PSD2: variants seen among roughly 807,000 people sequenced by gnomAD.
PSD2 encodes the protein PH and SEC7 domain-containing protein 2.
Under a neutral mutation model 69.8 loss-of-function variants are expected in PSD2, and 38 were observed. That is an observed-to-expected ratio of 0.54 (90% CI 0.42 to 0.71). The LOEUF (loss-of-function observed/expected upper bound fraction) is 0.71. Among genes scored for constraint, PSD2 ranks in the 30% least tolerant of loss-of-function variants. The probability of loss-of-function intolerance (pLI) is 0.00; values close to 1 mark genes in which losing one functional copy is unlikely to be tolerated. For synonymous variants in PSD2, 412 were observed against 423.0 expected, an observed-to-expected ratio of 0.97 and a Z score of 0.32; for missense variants, 943 against 1,014.5, an observed-to-expected ratio of 0.93 and a Z score of 0.96.
In PSD2 at chr5:139,842,591, G is replaced by C; in HGVS notation, c.*117G>C. On this transcript the variant is annotated 3_prime_UTR_variant, in exon 15 of 15. Transcript: ENST00000274710. ...CAGTCAGTTGATGGGCAGCTAGAGG[G>C]GTGCAGAAAGCCTGTGGGCCCAGGA... 1 of 887,916 alleles carries C rather than the reference G, an allele frequency of 1.1e-6. No homozygotes were observed. Among genetic ancestry groups the C allele is most frequent in the South Asian group, 1.6e-5 (1 of 63,090 alleles). 55.0% of individuals were successfully genotyped at this position (887,916 alleles called of 1,614,324 possible).
In PSD2 at chr5:139,837,861, C is replaced by T. The variant is rs1006230708; in HGVS notation, c.1823+79C>T. The T allele has an allele frequency of 1.3e-5, 18 of 1,391,556 alleles. No individual in the cohort carries two copies. The highest frequency in any genetic ancestry group is 5.7e-5 in the African/African-American group (4 of 69,682). 86.2% of individuals were successfully genotyped at this position (1,391,556 alleles called of 1,614,324 possible). A position where few individuals can be genotyped will look rare whatever the true frequency, so the allele number is the denominator to read the frequency against. On this transcript the variant is annotated intron_variant, in intron 12 of 14. Coordinates refer to ENST00000274710, the MANE Select transcript of PSD2 (RefSeq NM_032289.4). This position sits in a 1 kb window ranked among gnomAD's most constrained non-coding sequence, Gnocchi z 5.0. ...CCCGGCACACAACCCCTCTCCTTCCCGTGAGTCAGCAACAGAGCATGTGTA... is the reference window on the plus strand; with the variant it reads ...CCCGGCACACAACCCCTCTCCTTCCTGTGAGTCAGCAACAGAGCATGTGTA...
At chr5:139,836,445 G>A (rs1055765711) in intron 9 of PSD2, among the ~76,000 whole-genome samples, 5 of 152,222 alleles carry the variant, frequency 3.3e-5, no homozygotes, top group Admixed American at 1.3e-4. Context: ...TGTCGGTGGG[G>A]TTTGTGCAGC....
At chr5:139,752,625 C>G in the PSD2 span, among the ~76,000 whole-genome samples, 3 of 152,174 alleles carry the variant, frequency 2.0e-5, no homozygotes, top group Non-Finnish European at 2.9e-5. Context: ...ATACTCTCCC[C>G]CCACCACAGG....
intron 7 of PSD2, among the ~76,000 whole-genome samples, chr5:139,833,332 G>C (rs551803118): frequency 4.5e-4 from 69 of 152,042 alleles, no homozygotes; most frequent in African/African-American, 1.6e-3. Flanking sequence ...TGTCAAATGG[G>C]GATAATAAAA....
intron 1 of PSD2, among the ~76,000 whole-genome samples, chr5:139,798,180 T>G (rs1227806660): frequency 6.6e-6 from 1 of 152,158 alleles, no homozygotes; most frequent in African/African-American, 2.4e-5. Flanking sequence ...GAGGGGTGTT[T>G]GGGGGAGTTG....
chr5:139,767,998 G>T, the PSD2 span, among the ~76,000 whole-genome samples: 1 of 152,256 alleles, frequency 6.6e-6, no homozygotes, highest in Non-Finnish European at 1.5e-5. Context: ...GGGACAAGAA[G>T]ACCTTGAGCT....
In PSD2 at chr5:139,813,437, C is replaced by T. The variant is rs373281010; in HGVS notation, c.500C>T (p.Thr167Met). The change falls in exon 3 of 15, where the codon ACG becomes ATG. Residue 167 changes from threonine to methionine, a missense_variant. Coordinates refer to ENST00000274710, the MANE Select transcript of PSD2 (RefSeq NM_032289.4). Reference sequence around the variant, plus strand: ...GACTCCCTAGACGGGCTGAGCCTCACGGATGAGAGCGACAGCTGCGTCAGC... The same window carrying T: ...GACTCCCTAGACGGGCTGAGCCTCATGGATGAGAGCGACAGCTGCGTCAGC... ...SLDSLDGLSL[T>M]DESDSCVSFE... 2.3e-4 allele frequency: 374 copies of T among 1,613,908 alleles called. No individual in the cohort carries two copies. Among genetic ancestry groups the T allele is most frequent in the Non-Finnish European group, 3.0e-4 (356 of 1,179,894 alleles).
chr5:139,757,752 C>G, the PSD2 span, among the ~76,000 whole-genome samples: 1 of 152,186 alleles, frequency 6.6e-6, no homozygotes, highest in Admixed American at 6.5e-5. Context: ...CTTGAGGACA[C>G]CAGCCGGCAA....
At chr5:139,824,918 CA>C (rs569952515) in intron 7 of PSD2, among the ~76,000 whole-genome samples, 94 of 152,058 alleles carry the variant, frequency 6.2e-4, no homozygotes, top group African/African-American at 2.2e-3. Flanking sequence ...CGAGTCCCCA[CA>C]AAAAGAGCTC....
the PSD2 span, among the ~76,000 whole-genome samples, chr5:139,764,240 C>A: frequency 6.6e-6 from 1 of 152,182 alleles, no homozygotes. Flanking sequence ...GCAGCGTCCC[C>A]GTGTGACTTG....
upstream of PSD2, among the ~76,000 whole-genome samples, chr5:139,795,151 C>T (rs1759485914): frequency 6.6e-6 from 1 of 152,126 alleles, no homozygotes; most frequent in Admixed American, 6.5e-5. This position sits in a 1 kb window ranked among gnomAD's most constrained non-coding sequence, Gnocchi z 4.5. Context: ...TCTCCTTTGT[C>T]TCTTTCTCCT....
chr5:139,789,429 G>GT, the PSD2 span, among the ~76,000 whole-genome samples: 3 of 152,306 alleles, frequency 2.0e-5, no homozygotes, highest in African/African-American at 7.2e-5. Context: ...GGTTTTGTTT[G>GT]TTTGTGTGTT....
At chr5:139,790,901 G>C (rs1261935942), upstream of PSD2, among the ~76,000 whole-genome samples, 1 of 151,860 alleles carries the variant, frequency 6.6e-6, no homozygotes, top group African/African-American at 2.4e-5. Context: ...TTAGCTGGGT[G>C]TGGTGGTTGG....
At chr5:139,763,150 C>T in the PSD2 span, among the ~76,000 whole-genome samples, 2 of 152,058 alleles carry the variant, frequency 1.3e-5, no homozygotes. Context: ...AGGAATAACC[C>T]TGGCAGGAGG....
chr5:139,837,476 G>T lies in PSD2; in HGVS notation c.1666-149G>T, dbSNP rs535256534. 275 of 879,124 alleles carry T rather than the reference G, an allele frequency of 3.1e-4. No individual in the cohort carries two copies. Among genetic ancestry groups the T allele is most frequent in the Non-Finnish European group, 4.4e-4 (256 of 575,692 alleles). 54.5% of individuals were successfully genotyped at this position (879,124 alleles called of 1,614,324 possible). The stretch of plus-strand genomic sequence containing the variant: ...GCCTCTGGGACAAACTGGGGTAAGG[G>T]GAGGAGTACCTGGATTCTTGTTGGG... On this transcript the variant is annotated intron_variant, in intron 11 of 14. Coordinates refer to ENST00000274710, the MANE Select transcript of PSD2 (RefSeq NM_032289.4). This position sits in a 1 kb window ranked among gnomAD's most constrained non-coding sequence, Gnocchi z 5.0.
chr5:139,809,790 A>C lies in PSD2; in HGVS notation c.350A>C (p.Asp117Ala). The C allele has an allele frequency of 1.2e-6, 2 of 1,614,124 alleles. No homozygotes were observed. Among genetic ancestry groups the C allele is most frequent in the South Asian group, 2.2e-5 (2 of 91,070 alleles). ...AATGCTTCCAGGAGCCTCTACCCAG[A>C]TGCTGAGGACCCTCAGCTGGGGTGA... is the stretch of plus-strand genomic sequence containing the variant. ...GDNASRSLYP[D>A]AEDPQLGLDG... The change falls in exon 2 of 15, where the codon GAT (aspartate) becomes GCT (alanine). Residue 117 changes from aspartate (D) to alanine (A), a missense_variant. Asp to Ala is a moderately radical substitution (Grantham distance 126). Around this residue, in one of 3 missense-constraint regions of PSD2, gnomAD observed 466 missense variants for 445.0 expected, o/e 1.05. Coordinates refer to ENST00000274710, the MANE Select transcript of PSD2 (RefSeq NM_032289.4).
At position 139,813,295 on chromosome 5, in the gene PSD2, C is replaced by T; in HGVS notation, c.372-14C>T. 6.6e-7 allele frequency: 1 copy of T among 1,523,082 alleles called. No homozygotes were observed. Among genetic ancestry groups the T allele is most frequent in the Non-Finnish European group, 8.8e-7 (1 of 1,133,000 alleles). The allele number at this position is 1,523,082 out of a possible 1,614,324, so 94.3% of individuals were successfully genotyped here. ...AGCTTGGCAGGATGGTGACTGGCTCCTTGCATCCCACAGGTTGGATGGTCC... is the reference window on the plus strand; with the variant it reads ...AGCTTGGCAGGATGGTGACTGGCTCTTTGCATCCCACAGGTTGGATGGTCC... On this transcript the variant is annotated splice_polypyrimidine_tract_variant and intron_variant, in intron 2 of 14. Coordinates refer to ENST00000274710, the MANE Select transcript of PSD2 (RefSeq NM_032289.4).
At chr5:139,760,708 A>G in the PSD2 span, among the ~76,000 whole-genome samples, 1 of 152,162 alleles carries the variant, frequency 6.6e-6, no homozygotes, top group African/African-American at 2.4e-5. Flanking sequence ...CAAATGGGGT[A>G]TAATGAGAGC....
In PSD2 at chr5:139,822,023, C is replaced by T. The variant is rs1377658978; in HGVS notation, c.1210+18C>T. The T allele has an allele frequency of 7.2e-6, 11 of 1,519,996 alleles. No individual in the cohort carries two copies. Among genetic ancestry groups the T allele is most frequent in the African/African-American group, 1.4e-5 (1 of 73,138 alleles). 94.2% of individuals were successfully genotyped at this position (1,519,996 alleles called of 1,614,324 possible). ...TTCGGAAGGTATGGCCCCTTGCCCA[C>T]TCTGCCTGACCCTCCCCACCCACTC... On this transcript the variant is annotated intron_variant, in intron 6 of 14. Transcript: ENST00000274710.
Sources: allele counts gnomAD v4.1 joint callset (sites outside exome capture counted in the v4.1 genomes callset), GRCh38; gene constraint gnomAD v4.1.1; regional missense constraint gnomAD v4.1.1; non-coding constraint Gnocchi (gnomAD v3.1); transcripts MANE v1.5; gene names NCBI Gene and HGNC (gene_info 2026-07-23, HGNC 2026-07-21).